ZNF804B: variants seen among roughly 807,000 people sequenced by gnomAD.
ZNF804B encodes zinc finger 804B.
ZNF804B carries 80 observed loss-of-function variants against 101.4 expected under a neutral mutation model. The observed-to-expected ratio is 0.79, with a 90% CI of 0.66 to 0.95. The LOEUF is 0.95. ZNF804B is among the 40% of genes least tolerant of loss of function. The pLI is 0.00. For missense variants in ZNF804B, 1,673 were observed against 1,561.9 expected (o/e 1.07, Z -1.20); for synonymous variants, 622 against 558.8 (o/e 1.11, Z -1.59).
intron 1 of ZNF804B, among the ~76,000 whole-genome samples, chr7:89,198,465 T>C (rs1234501746): frequency 6.6e-6 from 1 of 151,926 alleles, no homozygotes; most frequent in Non-Finnish European, 1.5e-5. Flanking sequence ...CATTATAGAA[T>C]CAATTAGATC....
chr7:89,016,979 T>G (rs530040901), intron 1 of ZNF804B, among the ~76,000 whole-genome samples: 52 of 152,332 alleles, frequency 3.4e-4, no homozygotes, highest in South Asian at 1.0e-3. Flanking sequence ...CATGGAATGT[T>G]CTTTCATTTG....
At chr7:89,248,120 A>G (rs1789479243) in intron 2 of ZNF804B, among the ~76,000 whole-genome samples, 1 of 152,216 alleles carries the variant, frequency 6.6e-6, no homozygotes, top group Non-Finnish European at 1.5e-5. Flanking sequence ...AAGCAACCAA[A>G]TCTATGAATT....
intron 1 of ZNF804B, among the ~76,000 whole-genome samples, chr7:89,048,847 A>G (rs1562870473): frequency 2.0e-5 from 3 of 151,918 alleles, no homozygotes; most frequent in African/African-American, 4.9e-5. Flanking sequence ...ATTTTATGAA[A>G]TAAACCAAGG....
At chr7:89,113,690 T>C (rs781532781) in intron 1 of ZNF804B, among the ~76,000 whole-genome samples, 71 of 152,236 alleles carry the variant, frequency 4.7e-4, no homozygotes, top group Admixed American at 3.8e-3. Flanking sequence ...CTGTGGCTCA[T>C]ACCTGTAATC....
chr7:88,785,649 T>C lies in ZNF804B; in HGVS notation c.108+25565T>C, dbSNP rs539194720. Among the ~76,000 whole-genome samples the C allele has an allele frequency of 5.3e-5, 8 of 152,250 alleles. No individual in the cohort carries two copies. In the South Asian group the frequency reaches 1.7e-3, roughly 32 times the overall value. On this transcript the variant is annotated intron_variant, in intron 1 of 3. Transcript: ENST00000333190. ...CCCCATACCTTGCTATCCAGCCTCA[T>C]CTCTTATGACTCCCCTTTGTACTTG... is the stretch of plus-strand genomic sequence containing the variant.
intron 1 of ZNF804B, among the ~76,000 whole-genome samples, chr7:88,811,172 C>G (rs552173798): frequency 6.6e-6 from 1 of 152,072 alleles, no homozygotes. Context: ...TAGCAAAGAT[C>G]CTGCCATTAC....
chr7:88,808,370 G>A (rs1790724537), intron 1 of ZNF804B, among the ~76,000 whole-genome samples: 1 of 146,284 alleles, frequency 6.8e-6, no homozygotes, highest in Admixed American at 6.8e-5. Flanking sequence ...GGACAAGAGT[G>A]AGACATCATC....
At chr7:89,323,554 A>G (rs1475581754) in intron 2 of ZNF804B, among the ~76,000 whole-genome samples, 3 of 152,172 alleles carry the variant, frequency 2.0e-5, no homozygotes, top group Non-Finnish European at 2.9e-5. Flanking sequence ...TTAATAATAT[A>G]ACACACTTGT....
intron 1 of ZNF804B, among the ~76,000 whole-genome samples, chr7:88,877,050 T>TATA (rs1491216741): frequency 1.5e-4 from 3 of 20,194 alleles, no homozygotes; most frequent in African/African-American, 5.9e-4. Flanking sequence ...TATATATATA[T>TATA]TTTTTTTTTT....
At chr7:89,268,840 A>G (rs1054990489) in intron 2 of ZNF804B, among the ~76,000 whole-genome samples, 1 of 152,046 alleles carries the variant, frequency 6.6e-6, no homozygotes, top group African/African-American at 2.4e-5. Context: ...ATAAACACTT[A>G]GTAAATTTTT....
chr7:88,808,521 A>G (rs1790727445), intron 1 of ZNF804B, among the ~76,000 whole-genome samples: 1 of 151,986 alleles, frequency 6.6e-6, no homozygotes, highest in Non-Finnish European at 1.5e-5. Context: ...AGGAAGTGAG[A>G]TCTCCTCACC....
At position 89,119,132 on chromosome 7, in the gene ZNF804B, G is replaced by T. The variant is rs563897727; in HGVS notation, c.109-99023G>T. ...TTATTATGTTTTAAGCACTGGGCTA[G>T]CCCCTTGACCTACCTGACCTCAAAT... is the stretch of plus-strand genomic sequence containing the variant. On this transcript the variant is annotated intron_variant, in intron 1 of 3. Coordinates refer to ENST00000333190, the MANE Select transcript of ZNF804B (RefSeq NM_181646.5). Among the ~76,000 whole-genome samples, 6 of 152,222 alleles carry T rather than the reference G, an allele frequency of 3.9e-5. No individual in the cohort carries two copies. In the East Asian group the frequency reaches 7.7e-4, roughly 20 times the overall value.
chr7:89,093,624 GTACGATTA>G, intron 1 of ZNF804B, among the ~76,000 whole-genome samples: 1 of 152,292 alleles, frequency 6.6e-6, no homozygotes, highest in East Asian at 1.9e-4. Flanking sequence ...TGCCCTGTTT[GTACGATTA>G]TCTTAAAGAC....
intron 1 of ZNF804B, among the ~76,000 whole-genome samples, chr7:89,166,941 G>A (rs1791153173): frequency 6.6e-6 from 1 of 152,018 alleles, no homozygotes; most frequent in South Asian, 2.1e-4. Context: ...ATATTTCTCT[G>A]GACTGAATGG....
intron 2 of ZNF804B, among the ~76,000 whole-genome samples, chr7:89,254,975 G>A (rs1390657328): frequency 6.6e-6 from 1 of 152,074 alleles, no homozygotes; most frequent in Non-Finnish European, 1.5e-5. Flanking sequence ...AATAAAGAGG[G>A]GACTTTTTGT....
chr7:89,169,049 T>A (rs11974688), intron 1 of ZNF804B, among the ~76,000 whole-genome samples: 1 of 152,038 alleles, frequency 6.6e-6, no homozygotes, highest in African/African-American at 2.4e-5. Context: ...GTGACTAGTG[T>A]TCAGCTCAAT....
At chr7:88,873,151 T>C (rs1051949064) in intron 1 of ZNF804B, among the ~76,000 whole-genome samples, 11 of 152,202 alleles carry the variant, frequency 7.2e-5, no homozygotes, top group Non-Finnish European at 1.2e-4. Flanking sequence ...GGCTTTTTAA[T>C]GATTGCCATT....
intron 1 of ZNF804B, among the ~76,000 whole-genome samples, chr7:89,036,398 A>G (rs1450569830): frequency 6.6e-6 from 1 of 151,962 alleles, no homozygotes; most frequent in Admixed American, 6.6e-5. Context: ...TAATAATGTT[A>G]TTAATATTAG....
At chr7:89,333,279 C>A in intron 3 of ZNF804B, 84 bp from the exon 4 acceptor site, 2 of 1,305,390 alleles carry the variant, frequency 1.5e-6, no homozygotes, top group Non-Finnish European at 2.0e-6. Flanking sequence ...AATAACTCAT[C>A]TTAGAAACAC....
Sources: allele counts gnomAD v4.1 joint callset (sites outside exome capture counted in the v4.1 genomes callset), GRCh38; gene constraint gnomAD v4.1.1; transcripts MANE v1.5; gene names NCBI Gene and HGNC (gene_info 2026-07-23, HGNC 2026-07-21).